The following S1PR5 variants were observed in gnomAD, a reference collection of about 807,000 sequenced individuals.
The protein encoded by S1PR5 is sphingosine-1-phosphate receptor 5, also known as sphingosine 1-phosphate receptor 5.
For missense variants in S1PR5, 583 were observed against 571.7 expected, an observed-to-expected ratio of 1.02 and a Z score of -0.20; for synonymous variants, 307 against 284.7, an observed-to-expected ratio of 1.08 and a Z score of -0.79.
Position 10,512,748 on chromosome 19 carries a change from T to C in S1PR5, c.*1067A>G, listed in dbSNP as rs1311038659. On this transcript the variant is annotated 3_prime_UTR_variant, in exon 2 of 2. Transcript: ENST00000333430. ...TTAATGAAGGATCTGAAACTGCATT[T>C]GAAGAAATTTTATTAACTGGGCATG... 6.6e-6 allele frequency: 1 copy of C among 151,434 alleles called. No homozygotes were observed. The highest frequency in any genetic ancestry group is 1.5e-5 in the Non-Finnish European group (1 of 67,868). The allele number at this position is 151,434 out of a possible 1,614,324, so 9.4% of individuals were successfully genotyped here. A position where few individuals can be genotyped will look rare whatever the true frequency, so the allele number is the denominator to read the frequency against.
At position 10,513,788 on chromosome 19, in the gene S1PR5, T is replaced by C; in HGVS notation, c.*27A>G. 1 of 1,603,238 alleles carries C rather than the reference T, an allele frequency of 6.2e-7. No homozygotes were observed. The highest frequency in any genetic ancestry group is 1.3e-5 in the African/African-American group (1 of 74,172). On this transcript the variant is annotated 3_prime_UTR_variant, in exon 2 of 2. Transcript: ENST00000333430. The stretch of plus-strand genomic sequence containing the variant: ...GTAAAAAGAACAAGTCTGTAAAACT[T>C]GGGAAGACAGTCGTGGGCCGAGGGT...
chr19:10,515,500 CT>C, intron 1 of S1PR5, among the ~76,000 whole-genome samples: 1 of 152,262 alleles, frequency 6.6e-6, no homozygotes, highest in South Asian at 2.1e-4. Context: ...GTAGTCCCAG[CT>C]ACTCCAGAGG....
At position 10,513,987 on chromosome 19, in the gene S1PR5, G is replaced by C; in HGVS notation, c.1025C>G (p.Ala342Gly). Reference protein sequence around the residue: ...PSGSQQSASAAEASGGLRRCL... With the variant: ...PSGSQQSASAGEASGGLRRCL... ...GCGGCGCAGGCCCCCGGAAGCCTCA[G>C]CCGCGCTCGCCGACTGCTGGGAGCC... is the stretch of plus-strand genomic sequence containing the variant. Residue 342 changes from alanine to glycine, a missense_variant, in exon 2 of 2, where the codon GCT becomes GGT. Coordinates refer to ENST00000333430, the MANE Select transcript of S1PR5 (RefSeq NM_030760.5). 6.2e-7 allele frequency: 1 copy of C among 1,600,832 alleles called. No homozygotes were observed. The highest frequency in any genetic ancestry group is 8.5e-7 in the Non-Finnish European group (1 of 1,175,034).
Position 10,513,801 on chromosome 19 carries a change from G to A in S1PR5, c.*14C>T, listed in dbSNP as rs765330470. Reference sequence around the variant, plus strand: ...GTCTGTAAAACTTGGGAAGACAGTCGTGGGCCGAGGGTGTCAGTCTGCAGC... The same window carrying A: ...GTCTGTAAAACTTGGGAAGACAGTCATGGGCCGAGGGTGTCAGTCTGCAGC... On this transcript the variant is annotated 3_prime_UTR_variant, in exon 2 of 2. Transcript: ENST00000333430. 57 of 1,610,738 alleles carry A rather than the reference G, an allele frequency of 3.5e-5. No homozygotes were observed. The highest frequency in any genetic ancestry group is 3.3e-4 in the Middle Eastern group (2 of 5,998).
In S1PR5 at chr19:10,514,718, C is replaced by A. The variant is rs942409547; in HGVS notation, c.294G>T (p.Pro98=). ...GCGCGGGGGACAGTTTCAGCGTGAG[C>A]GGCCCCGACAGTAGGATGTTGGCGG... ...AYAANILLSG[P]LTLKLSPALW... The change falls in exon 2 of 2, where the codon CCG becomes CCT. Residue 98 remains proline, a synonymous_variant. Coordinates refer to ENST00000333430, the MANE Select transcript of S1PR5 (RefSeq NM_030760.5). The A allele has an allele frequency of 6.2e-7, 1 of 1,610,608 alleles. No individual in the cohort carries two copies. Among genetic ancestry groups the A allele is most frequent in the Non-Finnish European group, 8.5e-7 (1 of 1,179,034 alleles).
Position 10,513,608 on chromosome 19 carries a change from A to G in S1PR5, c.*207T>C, listed in dbSNP as rs1010629579. 1.5e-6 allele frequency: 1 copy of G among 649,484 alleles called. No homozygotes were observed. Among genetic ancestry groups the G allele is most frequent in the African/African-American group, 1.9e-5 (1 of 52,422 alleles). 40.2% of individuals were successfully genotyped at this position (649,484 alleles called of 1,614,324 possible). ...AATCATCTCCATTATTTCATCACCG[A>G]GTTCTTTTCTGTGTTCCCAAGCAGA... On this transcript the variant is annotated 3_prime_UTR_variant, in exon 2 of 2. Transcript: ENST00000333430.
chr19:10,514,050 A>AC lies in S1PR5; in HGVS notation c.961dup (p.Val321GlyfsTer23), dbSNP rs1383062438. ...GCCGCAGGAGTGGCGTCCGCAGCAG[A>AC]CCAGGCGCAGGAGCGCGTGGCGCAG... is the stretch of plus-strand genomic sequence containing the variant. On this transcript the variant is annotated frameshift_variant, in exon 2 of 2. Coordinates refer to ENST00000333430, the MANE Select transcript of S1PR5 (RefSeq NM_030760.5). LOFTEE classifies it low-confidence loss of function (END_TRUNC). 6.2e-7 allele frequency: 1 copy of AC among 1,611,992 alleles called. No homozygotes were observed. Among genetic ancestry groups the AC allele is most frequent in the East Asian group, 2.2e-5 (1 of 44,866 alleles).
Position 10,514,205 on chromosome 19 carries a change from C to T in S1PR5, c.807G>A (p.Leu269=). 3.7e-6 allele frequency: 6 copies of T among 1,611,622 alleles called. No individual in the cohort carries two copies. The highest frequency in any genetic ancestry group is 5.1e-6 in the Non-Finnish European group (6 of 1,179,274). Residue 269 remains leucine (L), a synonymous_variant, in exon 2 of 2, where the codon CTG becomes CTA. Transcript: ENST00000333430. The stretch of plus-strand genomic sequence containing the variant: ...GGCACGCCACGTCGAGCAACAGCAG[C>T]AGGAAGAGGGGGCCCCAACATGCCA... ...AFVACWGPLF[L]LLLLDVACPA...
chr19:10,513,551 CCACCAT>C lies in S1PR5; in HGVS notation c.*258_*263del. ...ACCTCTGCAGAGAGGTCTTCCCTGA[CCACCAT>C]CACCATCTCTGTCGTTTGTCACTGG... is the stretch of plus-strand genomic sequence containing the variant. On this transcript the variant is annotated 3_prime_UTR_variant, in exon 2 of 2. Transcript: ENST00000333430. 1 of 586,926 alleles carries C rather than the reference CCACCAT, an allele frequency of 1.7e-6. No homozygotes were observed. Among genetic ancestry groups the C allele is most frequent in the South Asian group, 2.1e-5 (1 of 47,984 alleles). The allele number at this position is 586,926 out of a possible 1,614,324, so 36.4% of individuals were successfully genotyped here.
Position 10,514,187 on chromosome 19 carries a change from C to T in S1PR5, c.825G>A (p.Val275=), listed in dbSNP as rs75861469. 3.2e-3 allele frequency: 5,224 copies of T among 1,612,358 alleles called. 162 individuals carry two copies. In the African/African-American group the frequency reaches 0.062, roughly 19 times the overall value. Residue 275 remains valine (V), a synonymous_variant, in exon 2 of 2, where the codon GTG becomes GTA. Coordinates refer to ENST00000333430, the MANE Select transcript of S1PR5 (RefSeq NM_030760.5). ...GPLFLLLLLD[V]ACPARTCPVL... is the part of the protein sequence containing the mutation. Reference sequence around the variant, plus strand: ...CAGGACAGGTGCGCGCCGGGCACGCCACGTCGAGCAACAGCAGCAGGAAGA... The same window carrying T: ...CAGGACAGGTGCGCGCCGGGCACGCTACGTCGAGCAACAGCAGCAGGAAGA...
In S1PR5 at chr19:10,513,973, C is replaced by T; in HGVS notation, c.1039G>A (p.Gly347Ser). The T allele has an allele frequency of 3.1e-6, 5 of 1,600,236 alleles. No homozygotes were observed. Among genetic ancestry groups the T allele is most frequent in the Non-Finnish European group, 4.3e-6 (5 of 1,174,596 alleles). The change falls in exon 2 of 2, where the codon GGC becomes AGC. Residue 347 changes from glycine to serine, a missense_variant. Transcript: ENST00000333430. ...QSASAAEASG[G>S]LRRCLPPGLD... ...CCCGGGGGCAGGCAGCGGCGCAGGC[C>T]CCCGGAAGCCTCAGCCGCGCTCGCC...
rs1915388883 is a variant in S1PR5, at chr19:10,514,813, A to G, written c.199T>C (p.Phe67Leu). The change falls in exon 2 of 2, where the codon TTC becomes CTC. Residue 67 changes from phenylalanine (F) to leucine (L), a missense_variant. By Grantham distance (22) the Phe-to-Leu change is conservative (BLOSUM62 0). Transcript: ENST00000333430. The stretch of plus-strand genomic sequence containing the variant: ...AGGAGCAGGAACATGGGAGCGTGGA[A>G]GCGCGGGTGGCGTCCGAGCACCAAC... ...VLLVLGRHPR[F>L]HAPMFLLLGS... 1 of 1,613,020 alleles carries G rather than the reference A, an allele frequency of 6.2e-7. No homozygotes were observed. The highest frequency in any genetic ancestry group is 1.1e-5 in the South Asian group (1 of 91,044).
rs1164772782 is a variant in S1PR5, at chr19:10,514,310, C to T, written c.702G>A (p.Gly234=). 28 of 1,565,962 alleles carry T rather than the reference C, an allele frequency of 1.8e-5. No individual in the cohort carries two copies. The East Asian group carries it at 5.4e-4, about 30-fold the overall frequency. ...RRLPARPGTA[G]TTSTRARRKP... Reference sequence around the variant, plus strand: ...TGCGACGCGCCCGGGTCGAGGTGGTCCCCGCAGTCCCGGGCCGTGCCGGCA... The same window carrying T: ...TGCGACGCGCCCGGGTCGAGGTGGTTCCCGCAGTCCCGGGCCGTGCCGGCA... The change falls in exon 2 of 2, where the codon GGG becomes GGA. Residue 234 remains glycine (G), a synonymous_variant. Transcript: ENST00000333430.
At chr19:10,516,572 T>G (rs558456519) in intron 1 of S1PR5, among the ~76,000 whole-genome samples, 1 of 132,958 alleles carries the variant, frequency 7.5e-6, no homozygotes, top group East Asian at 2.2e-4. Flanking sequence ...GCACCCCTGC[T>G]CTCCAGCCTG....
At chr19:10,516,694 G>T (rs1915446744) in intron 1 of S1PR5, among the ~76,000 whole-genome samples, 1 of 151,592 alleles carries the variant, frequency 6.6e-6, no homozygotes, top group Non-Finnish European at 1.5e-5. Flanking sequence ...TCCACAAGAG[G>T]CAAACAGACT....
At position 10,514,769 on chromosome 19, in the gene S1PR5, C is replaced by A. The variant is rs1038012058; in HGVS notation, c.243G>T (p.Ser81=). ...MFLLLGSLTL[S]DLLAGAAYAA... is the part of the protein sequence containing the mutation. ...CGTAGGCGGCGCCTGCCAGCAGATCCGACAACGTGAGGCTGCCCAGGAGCA... is the reference window on the plus strand; with the variant it reads ...CGTAGGCGGCGCCTGCCAGCAGATCAGACAACGTGAGGCTGCCCAGGAGCA... Residue 81 remains serine, a synonymous_variant, in exon 2 of 2, where the codon TCG becomes TCT. Coordinates refer to ENST00000333430, the MANE Select transcript of S1PR5 (RefSeq NM_030760.5). 6.2e-7 allele frequency: 1 copy of A among 1,612,820 alleles called. No individual in the cohort carries two copies. Among genetic ancestry groups the A allele is most frequent in the South Asian group, 1.1e-5 (1 of 91,008 alleles).
In S1PR5 at chr19:10,514,545, G is replaced by A; in HGVS notation, c.467C>T (p.Ala156Val). ...GAGCAGCGACACGCCCCAGGCCGCG[G>A]CTGCCATCGCCAGCGTGCGCCCCCG... Reference protein sequence around the residue: ...SSRGRTLAMAAAAWGVSLLLG... With the variant: ...SSRGRTLAMAVAAWGVSLLLG... The change falls in exon 2 of 2, where the codon GCC becomes GTC. Residue 156 changes from alanine (A) to valine (V), a missense_variant. Physicochemically the swap from Ala to Val is moderately conservative, Grantham distance 64 (BLOSUM62 0). Coordinates refer to ENST00000333430, the MANE Select transcript of S1PR5 (RefSeq NM_030760.5). 1 of 1,581,554 alleles carries A rather than the reference G, an allele frequency of 6.3e-7. No homozygotes were observed. The highest frequency in any genetic ancestry group is 8.6e-7 in the Non-Finnish European group (1 of 1,165,266).
Position 10,517,443 on chromosome 19 carries a change from C to A in S1PR5, c.-64G>T. The stretch of plus-strand genomic sequence containing the variant: ...CACCCGCAGTCGCGCTGCCTTGAAC[C>A]GAGTGAGCGGACGCCGCTCCGGGGG... On this transcript the variant is annotated 5_prime_UTR_variant, in exon 1 of 2. Transcript: ENST00000333430. 1 of 985,654 alleles carries A rather than the reference C, an allele frequency of 1.0e-6. No individual in the cohort carries two copies. Among genetic ancestry groups the A allele is most frequent in the Non-Finnish European group, 1.2e-6 (1 of 830,108 alleles). 61.1% of individuals were successfully genotyped at this position (985,654 alleles called of 1,614,324 possible). A position where few individuals can be genotyped will look rare whatever the true frequency, so the allele number is the denominator to read the frequency against.
Position 10,514,697 on chromosome 19 carries a change from G to T in S1PR5, c.315C>A (p.Pro105=), listed in dbSNP as rs758368917. 4.3e-6 allele frequency: 7 copies of T among 1,609,796 alleles called. No homozygotes were observed. Among genetic ancestry groups the T allele is most frequent in the Admixed American group, 3.4e-5 (2 of 59,616 alleles). ...CTCCCTCCCGTGCGAACCAGAGCGC[G>T]GGGGACAGTTTCAGCGTGAGCGGCC... ...LSGPLTLKLS[P]ALWFAREGGV... The change falls in exon 2 of 2, where the codon CCC becomes CCA. Residue 105 remains proline (P), a synonymous_variant. Coordinates refer to ENST00000333430, the MANE Select transcript of S1PR5 (RefSeq NM_030760.5).
Sources: gnomAD v4.1 joint callset for allele counts (sites outside exome capture counted in the v4.1 genomes callset) on GRCh38, gnomAD v4.1.1 for gene constraint, MANE v1.5 for transcripts, NCBI Gene and HGNC (gene_info 2026-07-23, HGNC 2026-07-21) for gene names.